Variants in SIDT1 observed in about 807,000 individuals in gnomAD.
SIDT1 encodes the protein SID1 transmembrane family member 1.
A neutral mutation model predicts 107.5 loss-of-function variants in SIDT1; 101 were observed. That is an observed-to-expected ratio of 0.94 (90% CI 0.80 to 1.11). SIDT1 has a LOEUF of 1.11. SIDT1 is among the 50% of genes least tolerant of loss of function. SIDT1 has a pLI of 0.00. For missense variants in SIDT1, 1,076 were observed against 1,058.2 expected, an observed-to-expected ratio of 1.02 and a Z score of -0.23; for synonymous variants, 395 against 398.2, an observed-to-expected ratio of 0.99 and a Z score of 0.10.
intron 10 of SIDT1, among the ~76,000 whole-genome samples, chr3:113,597,762 A>G (rs1944676468): frequency 6.6e-6 from 1 of 152,206 alleles, no homozygotes; most frequent in Admixed American, 6.5e-5. Flanking sequence ...GCTCAGAGAA[A>G]CACATATCAA....
chr3:113,627,590 A>G (rs1158318940), intron 24 of SIDT1, 56 bp from the exon 25 acceptor site: 4 of 1,539,102 alleles, frequency 2.6e-6, no homozygotes, highest in Non-Finnish European at 3.6e-6. Context: ...AGAAAACAGG[A>G]CTTAGTGTGA....
chr3:113,612,161 A>C lies in SIDT1; in HGVS notation c.1933A>C (p.Thr645Pro). The stretch of plus-strand genomic sequence containing the variant: ...CGTTCTGGCCTCGCTAGCCCTCAGC[A>C]CCCAGATATATTATATGGGTCGTTT... ...IHVLASLALS[T>P]QIYYMGRFKI... is the part of the protein sequence containing the mutation. The change falls in exon 19 of 25, where the codon ACC becomes CCC. Residue 645 changes from threonine (T) to proline (P), a missense_variant. By Grantham distance (38) the Thr-to-Pro change is conservative. Transcript: ENST00000264852. The C allele has an allele frequency of 6.2e-7, 1 of 1,614,004 alleles. No individual in the cohort carries two copies. Among genetic ancestry groups the C allele is most frequent in the Non-Finnish European group, 8.5e-7 (1 of 1,179,932 alleles).
At chr3:113,573,309 G>T (rs1292357836) in intron 3 of SIDT1, among the ~76,000 whole-genome samples, 3 of 152,176 alleles carry the variant, frequency 2.0e-5, no homozygotes, top group African/African-American at 7.2e-5. Flanking sequence ...CTGTGACTGG[G>T]GCTCAGGAGA....
intron 19 of SIDT1, among the ~76,000 whole-genome samples, chr3:113,615,310 A>T (rs1946025476): frequency 6.6e-6 from 1 of 152,186 alleles, no homozygotes; most frequent in South Asian, 2.1e-4. Context: ...TAAACTGACC[A>T]CGGGGGTAAC....
chr3:113,558,972 A>C (rs1941163902), intron 1 of SIDT1, among the ~76,000 whole-genome samples: 2 of 152,176 alleles, frequency 1.3e-5, no homozygotes, highest in South Asian at 4.1e-4. Flanking sequence ...TGCTCCTCTC[A>C]ATTTATCTTC....
At chr3:113,607,777 C>T (rs1316571478) in intron 15 of SIDT1, among the ~76,000 whole-genome samples, 2 of 152,190 alleles carry the variant, frequency 1.3e-5, no homozygotes, top group African/African-American at 2.4e-5. Flanking sequence ...AAACACTTGC[C>T]TGTCTTTGAA....
At chr3:113,611,172 CT>C in intron 18 of SIDT1, 28 bp downstream of exon 18, 1 of 1,609,526 alleles carries the variant, frequency 6.2e-7, no homozygotes, top group Non-Finnish European at 8.5e-7. Context: ...TTCCACCTGG[CT>C]CTCGAAAAGT....
At chr3:113,576,340 G>A (rs1413073867) in intron 3 of SIDT1, among the ~76,000 whole-genome samples, 5 of 152,110 alleles carry the variant, frequency 3.3e-5, no homozygotes, top group South Asian at 2.1e-4. Context: ...TAACCTAAAC[G>A]GAACTAAATC....
chr3:113,591,797 C>A lies in SIDT1; in HGVS notation c.1002-1208C>A, dbSNP rs184258395. ...CAACAATTCCACTCCTAGCTATATA[C>A]CCAAGATAATTGAAAACATATGTCC... On this transcript the variant is annotated intron_variant, in intron 9 of 24. Coordinates refer to ENST00000264852, the MANE Select transcript of SIDT1 (RefSeq NM_017699.3). Among the ~76,000 whole-genome samples, 14 of 152,278 alleles carry A rather than the reference C, an allele frequency of 9.2e-5. 1 individual carries two copies. Among genetic ancestry groups the A allele is most frequent in the South Asian group, 4.1e-4 (2 of 4,822 alleles).
intron 1 of SIDT1, among the ~76,000 whole-genome samples, chr3:113,566,003 C>T (rs979133887): frequency 1.3e-5 from 2 of 152,164 alleles, no homozygotes; most frequent in Non-Finnish European, 2.9e-5. Context: ...AAAAGCACAT[C>T]CGTATCCTTC....
chr3:113,589,564 C>T lies in SIDT1; in HGVS notation c.1002-3441C>T, dbSNP rs151086467. ...TTTTTTTTTTTTTGAGACAGTCTCT[C>T]GCCCTGTCATCCAGGCTGGAGTGCA... On this transcript the variant is annotated intron_variant, in intron 9 of 24. Transcript: ENST00000264852. Among the ~76,000 whole-genome samples, 839 of 132,144 alleles carry T rather than the reference C, an allele frequency of 6.3e-3. 10 individuals are homozygous for T. Among genetic ancestry groups the T allele is most frequent in the African/African-American group, 0.023 (801 of 35,018 alleles). 86.7% of individuals were successfully genotyped at this position (132,144 alleles called of 152,430 possible). A position where few individuals can be genotyped will look rare whatever the true frequency, so the allele number is the denominator to read the frequency against.
intron 1 of SIDT1, among the ~76,000 whole-genome samples, chr3:113,544,987 C>T (rs1424252366): frequency 6.6e-6 from 1 of 151,898 alleles, no homozygotes; most frequent in African/African-American, 2.4e-5. Flanking sequence ...TGGTGGCGTG[C>T]ACCTGTAATC....
chr3:113,573,008 T>TC (rs529853691), intron 3 of SIDT1, among the ~76,000 whole-genome samples: 2,333 of 152,142 alleles, frequency 0.015, 39 homozygotes, highest in African/African-American at 0.043. Flanking sequence ...TTTTTTTTTT[T>TC]TCTCTCTTAA....
chr3:113,561,079 G>C (rs1369844908), intron 1 of SIDT1, among the ~76,000 whole-genome samples: 1 of 152,198 alleles, frequency 6.6e-6, no homozygotes, highest in African/African-American at 2.4e-5. Flanking sequence ...TTAGCTCTTA[G>C]GAATGGCCTT....
At chr3:113,566,328 TTGTGTGTGTTTGTGTGTGTGTGTGTG>T in intron 1 of SIDT1, 66 bp from the exon 2 acceptor site, 1 of 1,235,876 alleles carries the variant, frequency 8.1e-7, no homozygotes, top group Non-Finnish European at 1.1e-6. Context: ...GTGTGTGTGT[TTGTGTGTGTTTGTGTGTGTGTGTGTG>T]TGTGTGTGTG....
At chr3:113,623,357 G>T in intron 21 of SIDT1, 70 bp from the exon 22 acceptor site, 1 of 962,446 alleles carries the variant, frequency 1.0e-6, no homozygotes. Context: ...CAAGGGACTG[G>T]GGGATTGGAA....
intron 3 of SIDT1, among the ~76,000 whole-genome samples, chr3:113,569,908 T>C (rs1167506526): frequency 6.6e-6 from 1 of 152,150 alleles, no homozygotes; most frequent in Non-Finnish European, 1.5e-5. Context: ...TTCAGTTTAA[T>C]TTAATATATA....
intron 1 of SIDT1, among the ~76,000 whole-genome samples, chr3:113,565,074 G>T (rs779799090): frequency 5.3e-5 from 8 of 152,126 alleles, no homozygotes; most frequent in Admixed American, 2.6e-4. Context: ...GGATTTTCTT[G>T]TTTCATTTTC....
intron 9 of SIDT1, chr3:113,588,599 C>G (rs1943910806): frequency 6.6e-6 from 1 of 152,190 alleles, no homozygotes; most frequent in African/African-American, 2.4e-5. Context: ...ACACTATTCC[C>G]TTCCCATCCT....
Sources: gnomAD v4.1 joint callset for allele counts (sites outside exome capture counted in the v4.1 genomes callset) on GRCh38, gnomAD v4.1.1 for gene constraint, MANE v1.5 for transcripts, NCBI Gene and HGNC (gene_info 2026-07-23, HGNC 2026-07-21) for gene names.